MAMDC4: variants seen among roughly 807,000 people sequenced by gnomAD.
MAMDC4 encodes the protein MAM domain containing 4.
MAMDC4 carries 168 observed loss-of-function variants against 153.3 expected under a neutral mutation model. That is an observed-to-expected ratio of 1.10 (90% CI 0.97 to 1.25). The LOEUF (loss-of-function observed/expected upper bound fraction) is 1.25. Ranked by LOEUF, MAMDC4 falls within the 50% of genes most tolerant of loss-of-function variation. The pLI is 0.00. For missense variants in MAMDC4, 1,701 were observed against 1,542.8 expected (o/e 1.10, Z -1.72); for synonymous variants, 744 against 651.5 (o/e 1.14, Z -2.16).
At chr9:136,856,483 T>G (rs759574639) in intron 14 of MAMDC4, 17 of 783,000 alleles carry the variant, frequency 2.2e-5, no homozygotes, top group Non-Finnish European at 3.8e-5. Flanking sequence ...GTCGGTTTGG[T>G]GGACTTGGAT....
Position 136,856,993 on chromosome 9 carries a change from C to G in MAMDC4, c.1924C>G (p.Pro642Ala). 1 of 1,612,522 alleles carries G rather than the reference C, an allele frequency of 6.2e-7. No individual in the cohort carries two copies. The highest frequency in any genetic ancestry group is 8.5e-7 in the Non-Finnish European group (1 of 1,179,828). The stretch of plus-strand genomic sequence containing the variant: ...CTCCAGGCCCCAGGTGCCAGCAGCA[C>G]CCACGGAGTGTCTCAGCTTCTGGTA... ...LLSRPQVPAA[P>A]TECLSFWYHL... is the part of the protein sequence containing the mutation. Residue 642 changes from proline (P) to alanine (A), a missense_variant, in exon 16 of 27, where the codon CCC (proline) becomes GCC (alanine). Transcript: ENST00000317446.
At position 136,855,742 on chromosome 9, in the gene MAMDC4, C is replaced by CT. The variant is rs747618690; in HGVS notation, c.1485dup (p.Glu496Ter). 6.4e-7 allele frequency: 1 copy of CT among 1,574,272 alleles called. No individual in the cohort carries two copies. The highest frequency in any genetic ancestry group is 8.6e-7 in the Non-Finnish European group (1 of 1,161,054). ...CGGCTGCTGTTCCAGGCACCACAGA[C>CT]TTTGAGTCCCCCGAGGCTGGGGGCT... On this transcript the variant is annotated frameshift_variant, in exon 13 of 27. Coordinates refer to ENST00000317446, the MANE Select transcript of MAMDC4 (RefSeq NM_206920.3). LOFTEE classifies it high-confidence loss of function.
At chr9:136,860,312 G>C (rs939714660) in intron 26 of MAMDC4, among the ~76,000 whole-genome samples, 1 of 152,192 alleles carries the variant, frequency 6.6e-6, no homozygotes, top group Non-Finnish European at 1.5e-5. Context: ...CTGAGGTCAG[G>C]AGTTTGAGAC....
At chr9:136,859,799 C>A in intron 25 of MAMDC4, 87 bp from the exon 26 acceptor site, 2 of 1,432,498 alleles carry the variant, frequency 1.4e-6, no homozygotes, top group Non-Finnish European at 1.9e-6. Context: ...CCAGCAGAGG[C>A]TGAGGGACCA....
chr9:136,860,388 G>A (rs1280929426), intron 26 of MAMDC4, among the ~76,000 whole-genome samples, 174 bp from the exon 27 acceptor site: 1 of 152,200 alleles, frequency 6.6e-6, no homozygotes, highest in African/African-American at 2.4e-5. Flanking sequence ...GGGTATGGTG[G>A]CAGGAACCTG....
rs2131240827 is a variant in MAMDC4 at position 136,860,046 on chromosome 9, C to G, written c.3354C>G (p.Asp1118Glu). The G allele has an allele frequency of 6.3e-7, 1 of 1,593,842 alleles. No individual in the cohort carries two copies. Residue 1118 changes from aspartate (D) to glutamate (E), a missense_variant, in exon 26 of 27, where the codon GAC (aspartate) becomes GAG (glutamate). By Grantham distance (45) the Asp-to-Glu change is conservative. Coordinates refer to ENST00000317446, the MANE Select transcript of MAMDC4 (RefSeq NM_206920.3). ...SNTEATAPGF[D>E]NILFNADGVT... ...CAGAGGCCACAGCCCCTGGCTTTGA[C>G]AACATCCTTTTCAATGCGGTAGGAG...
At position 136,856,837 on chromosome 9, in the gene MAMDC4, C is replaced by T. The variant is rs182988010; in HGVS notation, c.1837+11C>T. 135 of 1,612,412 alleles carry T rather than the reference C, an allele frequency of 8.4e-5. No homozygotes were observed. In the African/African-American group the frequency reaches 1.5e-3, roughly 18 times the overall value. ...ACACCACAGGCCAAGGTAGGATGGG[C>T]GCTCAGACCGGGGGTGGCTTTCAGA... On this transcript the variant is annotated intron_variant, in intron 15 of 26. Transcript: ENST00000317446.
Position 136,858,041 on chromosome 9 carries a change from G to C in MAMDC4, c.2527G>C (p.Gly843Arg). ...CCAGGTGCTCAGCCTCAGTGCCCAC[G>C]GCGGGCTTGCCTGGCGCCTGGGCAG... ...RHQVLSLSAH[G>R]GLAWRLGSMD... Residue 843 changes from glycine (G) to arginine (R), a missense_variant, in exon 20 of 27, where the codon GGC becomes CGC. Transcript: ENST00000317446. 2 of 1,528,632 alleles carry C rather than the reference G, an allele frequency of 1.3e-6. No homozygotes were observed. Among genetic ancestry groups the C allele is most frequent in the Non-Finnish European group, 8.8e-7 (1 of 1,139,906 alleles). 94.7% of individuals were successfully genotyped at this position (1,528,632 alleles called of 1,614,324 possible). A position where few individuals can be genotyped will look rare whatever the true frequency, so the allele number is the denominator to read the frequency against.
Position 136,855,511 on chromosome 9 carries a change from G to T in MAMDC4, c.1363G>T (p.Asp455Tyr). ...CCTGCCGCCCAGCTCGCGGCTCCAG[G>T]ATTCCTGCAAGCAGGGGCATCTTGC... Reference protein sequence around the residue: ...QPLPPSSRLQDSCKQGHLACG... With the variant: ...QPLPPSSRLQYSCKQGHLACG... Residue 455 changes from aspartate to tyrosine, a missense_variant, in exon 12 of 27, where the codon GAT becomes TAT. Physicochemically the swap from Asp to Tyr is radical, Grantham distance 160. Coordinates refer to ENST00000317446, the MANE Select transcript of MAMDC4 (RefSeq NM_206920.3). 3.1e-6 allele frequency: 5 copies of T among 1,595,270 alleles called. No homozygotes were observed. The highest frequency in any genetic ancestry group is 4.3e-6 in the Non-Finnish European group (5 of 1,171,320).
chr9:136,860,451 G>T, intron 26 of MAMDC4, 111 bp from the exon 27 acceptor site: 2 of 1,144,448 alleles, frequency 1.7e-6, no homozygotes, highest in Non-Finnish European at 2.5e-6. Context: ...AACCAGGGAG[G>T]CAGGGGTTGC....
chr9:136,853,742 G>A lies in MAMDC4; in HGVS notation c.455-35G>A, dbSNP rs748893922. On this transcript the variant is annotated intron_variant, in intron 4 of 26. Transcript: ENST00000317446. ...GCGGGTGGGCAGCTGGGGACAAGCAGGGCCGCAGCTGCCCTGGGACCCCTG... is the reference window on the plus strand; with the variant it reads ...GCGGGTGGGCAGCTGGGGACAAGCAAGGCCGCAGCTGCCCTGGGACCCCTG... 6 of 1,606,402 alleles carry A rather than the reference G, an allele frequency of 3.7e-6. No homozygotes were observed. In the Admixed American group the frequency reaches 1.0e-4, roughly 27 times the overall value.
At chr9:136,859,659 G>A (rs1223143001) in intron 25 of MAMDC4, 3 of 603,274 alleles carry the variant, frequency 5.0e-6, no homozygotes, top group Non-Finnish European at 8.7e-6. Context: ...ACTTGGTGAG[G>A]GAAAGAATCT....
chr9:136,858,513 C>G lies in MAMDC4; in HGVS notation c.2788C>G (p.Pro930Ala). Residue 930 changes from proline to alanine, a missense_variant, in exon 22 of 27, where the codon CCC becomes GCC. By Grantham distance (27) the Pro-to-Ala change is conservative. Coordinates refer to ENST00000317446, the MANE Select transcript of MAMDC4 (RefSeq NM_206920.3). ...GGATPSRYPQ[P>A]PVDHTLGTEA... ...AGCCACCCCCTCTCGTTACCCCCAG[C>G]CCCCTGTGGACCACACCCTGGGCAC... 1 of 1,599,492 alleles carries G rather than the reference C, an allele frequency of 6.3e-7. No homozygotes were observed. The highest frequency in any genetic ancestry group is 1.3e-5 in the African/African-American group (1 of 74,762).
At chr9:136,859,180 CCACA>C in intron 24 of MAMDC4, 25 bp from the exon 25 acceptor site, 1 of 1,600,878 alleles carries the variant, frequency 6.2e-7, no homozygotes, top group Admixed American at 1.7e-5. Context: ...CACCCAGGGC[CCACA>C]CAAACTCCTT....
intron 14 of MAMDC4, 174 bp downstream of exon 14, chr9:136,856,323 G>C (rs759315270): frequency 1.0e-5 from 11 of 1,102,436 alleles, no homozygotes; most frequent in African/African-American, 1.5e-5. Context: ...CTGAGCAGCA[G>C]TGCAGGCATC....
In MAMDC4 at chr9:136,855,609, G is replaced by A. The variant is rs138811323; in HGVS notation, c.1461G>A (p.Glu487=). The change falls in exon 12 of 27, where the codon GAG becomes GAA. Residue 487 remains glutamate, a synonymous_variant. Coordinates refer to ENST00000317446, the MANE Select transcript of MAMDC4 (RefSeq NM_206920.3). ...FEEQCAGGED[E]QACGTTDFES... ...AGCAGTGCGCAGGGGGCGAGGACGA[G>A]CAGGCCTGTGGTAAAGGGGCTCAAC... 0.014 allele frequency: 22,521 copies of A among 1,579,770 alleles called. 207 individuals are homozygous for A. The highest frequency in any genetic ancestry group is 0.02 in the Middle Eastern group (122 of 5,996).
chr9:136,859,511 G>A, intron 25 of MAMDC4, 194 bp downstream of exon 25: 1 of 630,320 alleles, frequency 1.6e-6, no homozygotes, highest in Non-Finnish European at 2.7e-6. Flanking sequence ...CGCTGCCTGG[G>A]CTGGGCTGTC....
rs149235459 is a variant in MAMDC4 at position 136,857,484 on chromosome 9, G to A, written c.2224G>A (p.Gly742Ser). The A allele has an allele frequency of 3.5e-4, 562 of 1,609,620 alleles. 1 individual carries two copies. The African/African-American group carries it at 6.4e-3, about 18-fold the overall frequency. ...CTGCTCCTTTGAGGACTCAGACTGCGGCTTCTCCCCTGGAGGCCAAGGTCT... is the reference window on the plus strand; with the variant it reads ...CTGCTCCTTTGAGGACTCAGACTGCAGCTTCTCCCCTGGAGGCCAAGGTCT... The part of the protein sequence containing the change: ...NYCSFEDSDC[G>S]FSPGGQGLWR... Residue 742 changes from glycine (G) to serine (S), a missense_variant, in exon 18 of 27, where the codon GGC becomes AGC. Transcript: ENST00000317446.
chr9:136,857,285 A>G lies in MAMDC4; in HGVS notation c.2093A>G (p.His698Arg), dbSNP rs1436612097. The change falls in exon 17 of 27, where the codon CAT (histidine) becomes CGT (arginine). Residue 698 changes from histidine to arginine, a missense_variant. Physicochemically the swap from His to Arg is conservative, Grantham distance 29. Coordinates refer to ENST00000317446, the MANE Select transcript of MAMDC4 (RefSeq NM_206920.3). ...WATLSHQPGSHAQYQLLFEGL... is the reference protein window; with the variant it reads ...WATLSHQPGSRAQYQLLFEGL... The stretch of plus-strand genomic sequence containing the variant: ...ACCCTTTCCCACCAGCCTGGCTCCC[A>G]TGCCCAGTACCAGGTGAGGCCTGGC... The G allele has an allele frequency of 6.2e-7, 1 of 1,603,296 alleles. No homozygotes were observed. The highest frequency in any genetic ancestry group is 2.3e-5 in the East Asian group (1 of 44,392).
Sources: allele counts gnomAD v4.1 joint callset (sites outside exome capture counted in the v4.1 genomes callset), GRCh38; gene constraint gnomAD v4.1.1; transcripts MANE v1.5; gene names NCBI Gene and HGNC (gene_info 2026-07-23, HGNC 2026-07-21).